Variants in NFYB observed in about 807,000 individuals in gnomAD.
NFYB encodes the protein nuclear transcription factor Y subunit beta.
A neutral mutation model predicts 28.0 loss-of-function variants in NFYB; 13 were observed. The ratio of observed to expected loss-of-function variants is 0.46; its 90% CI spans 0.30 to 0.74. NFYB has a LOEUF of 0.74. Ranked by LOEUF, NFYB falls within the 30% of genes least tolerant of loss-of-function variation. NFYB has a pLI of 0.07. For missense variants in NFYB, 142 were observed against 247.6 expected (o/e 0.57, Z 2.86); for synonymous variants, 74 against 75.0 (o/e 0.99, Z 0.07).
intron 2 of NFYB, among the ~76,000 whole-genome samples, chr12:104,129,048 G>A (rs1331594932): frequency 6.6e-6 from 1 of 152,188 alleles, no homozygotes; most frequent in Non-Finnish European, 1.5e-5. Context: ...AGTGATATAA[G>A]CATAAGGCCA....
chr12:104,125,262 G>C (rs920513416), intron 4 of NFYB: 1 of 156,816 alleles, frequency 6.4e-6, no homozygotes, highest in African/African-American at 2.4e-5. Flanking sequence ...CCCTGAACGC[G>C]CCCGATCTCG....
Position 104,121,335 on chromosome 12 carries a change from A to C in NFYB, c.430-14T>G. ...TCCTTTCATAGCCTGAGGAAGGAAAAAAAAAAAGTCACTGATATTCAAATG... is the reference window on the plus strand; with the variant it reads ...TCCTTTCATAGCCTGAGGAAGGAAACAAAAAAAGTCACTGATATTCAAATG... On this transcript the variant is annotated splice_polypyrimidine_tract_variant and intron_variant, in intron 5 of 7. Coordinates refer to ENST00000240055, the MANE Select transcript of NFYB (RefSeq NM_006166.4). 1 of 1,597,750 alleles carries C rather than the reference A, an allele frequency of 6.3e-7. No homozygotes were observed. Among genetic ancestry groups the C allele is most frequent in the Admixed American group, 1.8e-5 (1 of 56,544 alleles).
chr12:104,134,716 T>C (rs1045739104), intron 2 of NFYB, among the ~76,000 whole-genome samples: 4 of 152,192 alleles, frequency 2.6e-5, no homozygotes, highest in African/African-American at 9.7e-5. Flanking sequence ...CAAACTTGTT[T>C]CCTACTTTTC....
Position 104,121,282 on chromosome 12 carries a change from C to CTGT in NFYB, c.466_468dup (p.Thr156dup). 6.2e-7 allele frequency: 1 copy of CTGT among 1,612,690 alleles called. No homozygotes were observed. Among genetic ancestry groups the CTGT allele is most frequent in the African/African-American group, 1.3e-5 (1 of 74,978 alleles). ...AGCTCTTCACTTAGTCCATCTGTAGCTGTGACTGCTCCACCAATTCCCTTT... is the reference window on the plus strand; with the variant it reads ...AGCTCTTCACTTAGTCCATCTGTAGCTGTTGTGACTGCTCCACCAATTCCCTTT... On this transcript the variant is annotated inframe_insertion, in exon 6 of 8. Coordinates refer to ENST00000240055, the MANE Select transcript of NFYB (RefSeq NM_006166.4).
chr12:104,135,470 C>T lies in NFYB; in HGVS notation c.-17G>A. 3.8e-6 allele frequency: 6 copies of T among 1,583,022 alleles called. No homozygotes were observed. Among genetic ancestry groups the T allele is most frequent in the East Asian group, 4.7e-5 (2 of 42,470 alleles). ...TACTGTCATGAAATACTGTCAGAACCGTGTTGTCAGTGGTGCTGAAGAACA... is the reference window on the plus strand; with the variant it reads ...TACTGTCATGAAATACTGTCAGAACTGTGTTGTCAGTGGTGCTGAAGAACA... On this transcript the variant is annotated 5_prime_UTR_variant, in exon 2 of 8. Coordinates refer to ENST00000240055, the MANE Select transcript of NFYB (RefSeq NM_006166.4).
chr12:104,130,789 A>G (rs1044840759), intron 2 of NFYB, among the ~76,000 whole-genome samples: 2 of 152,196 alleles, frequency 1.3e-5, no homozygotes, highest in African/African-American at 4.8e-5. Context: ...TACAGCCATA[A>G]AAGAATGATC....
Position 104,126,146 on chromosome 12 carries a change from T to C in NFYB, c.199A>G (p.Ile67Val). The C allele has an allele frequency of 6.3e-7, 1 of 1,599,572 alleles. No individual in the cohort carries two copies. The highest frequency in any genetic ancestry group is 1.2e-5 in the South Asian group (1 of 86,718). Reference protein sequence around the residue: ...IYLPIANVARIMKNAIPQTGK... With the variant: ...IYLPIANVARVMKNAIPQTGK... The stretch of plus-strand genomic sequence containing the variant: ...GTTTGAGGTATGGCATTTTTCATTA[T>C]CCTAGCCACGTTTGCTATTGGAAGA... The change falls in exon 4 of 8, where the codon ATA becomes GTA. Residue 67 changes from isoleucine (I) to valine (V), a missense_variant. Physicochemically the swap from Ile to Val is conservative, Grantham distance 29. Around this residue, in one of 2 missense-constraint regions of NFYB, gnomAD observed 88 missense variants for 189.5 expected, o/e 0.46. Coordinates refer to ENST00000240055, the MANE Select transcript of NFYB (RefSeq NM_006166.4).
chr12:104,134,429 GCC>G (rs2031031899), intron 2 of NFYB, among the ~76,000 whole-genome samples: 1 of 152,088 alleles, frequency 6.6e-6, no homozygotes, highest in Non-Finnish European at 1.5e-5. Context: ...ACTCTGCCCA[GCC>G]AAATATACCA....
Position 104,135,434 on chromosome 12 carries a change from T to G in NFYB, c.6+14A>C. On this transcript the variant is annotated intron_variant, in intron 2 of 7. Transcript: ENST00000240055. ...CAAATCTAATTAACAACCAAAATGG[T>G]AAAATATACTTACTGTCATGAAATA... The G allele has an allele frequency of 1.3e-6, 2 of 1,585,654 alleles. No individual in the cohort carries two copies. The highest frequency in any genetic ancestry group is 1.7e-6 in the Non-Finnish European group (2 of 1,169,454).
rs1565822305 is a variant in NFYB, at chr12:104,120,494, A to AT, written c.512-16dup. On this transcript the variant is annotated splice_polypyrimidine_tract_variant and intron_variant, in intron 6 of 7. Coordinates refer to ENST00000240055, the MANE Select transcript of NFYB (RefSeq NM_006166.4). ...TAACTGGTTAGCTAAAAGAAAAAAA[A>AT]TTAGTTAAAGAGGGAAATGAACTAT... 1.9e-6 allele frequency: 3 copies of AT among 1,595,062 alleles called. No homozygotes were observed. In the Admixed American group the frequency reaches 5.0e-5, roughly 27 times the overall value.
intron 2 of NFYB, among the ~76,000 whole-genome samples, chr12:104,130,686 G>C (rs909466514): frequency 1.3e-5 from 2 of 152,110 alleles, no homozygotes; most frequent in Non-Finnish European, 2.9e-5. Flanking sequence ...ACAAATAAAT[G>C]TGAAACAGTG....
chr12:104,136,471 A>G (rs1172858483), intron 1 of NFYB, among the ~76,000 whole-genome samples: 1 of 152,246 alleles, frequency 6.6e-6, no homozygotes, highest in Admixed American at 6.5e-5. Flanking sequence ...GACGTTTGCT[A>G]TAATATTAAA....
Position 104,123,137 on chromosome 12 carries a change from C to G in NFYB, c.429+89G>C, listed in dbSNP as rs189039056. ...GTTGCAGTGAGCCGAGATCTTGCCACTGTACTCCAGCCTGGGCAACAGAGC... is the reference window on the plus strand; with the variant it reads ...GTTGCAGTGAGCCGAGATCTTGCCAGTGTACTCCAGCCTGGGCAACAGAGC... On this transcript the variant is annotated intron_variant, in intron 5 of 7. Transcript: ENST00000240055. 3 of 1,003,698 alleles carry G rather than the reference C, an allele frequency of 3.0e-6. No individual in the cohort carries two copies. In the Admixed American group the frequency reaches 8.0e-5, roughly 27 times the overall value. The allele number at this position is 1,003,698 out of a possible 1,614,324, so 62.2% of individuals were successfully genotyped here. A position where few individuals can be genotyped will look rare whatever the true frequency, so the allele number is the denominator to read the frequency against.
At chr12:104,132,869 C>T (rs2030973852) in intron 2 of NFYB, among the ~76,000 whole-genome samples, 1 of 152,136 alleles carries the variant, frequency 6.6e-6, no homozygotes, top group African/African-American at 2.4e-5. Context: ...TGGAAGAGCA[C>T]AGCATGTAGG....
intron 4 of NFYB, among the ~76,000 whole-genome samples, chr12:104,124,027 C>A (rs953190966): frequency 6.6e-6 from 1 of 152,126 alleles, no homozygotes; most frequent in South Asian, 2.1e-4. Context: ...TCCTACCACC[C>A]CACAGAGGAT....
chr12:104,137,146 C>CA (rs1226560595), intron 1 of NFYB, among the ~76,000 whole-genome samples: 74 of 152,260 alleles, frequency 4.9e-4, no homozygotes, highest in African/African-American at 1.6e-3. Flanking sequence ...ACGAACCACG[C>CA]AACTATGGGG....
chr12:104,130,026 A>G (rs1172360766), intron 2 of NFYB, among the ~76,000 whole-genome samples: 2 of 152,266 alleles, frequency 1.3e-5, no homozygotes, highest in African/African-American at 4.8e-5. Flanking sequence ...AAGTCTGGAA[A>G]AAAGTAAATC....
intron 2 of NFYB, 53 bp downstream of exon 2, chr12:104,135,395 A>G (rs944023292): frequency 3.2e-5 from 48 of 1,499,824 alleles, no homozygotes; most frequent in Admixed American, 1.1e-4. Context: ...TTTTATTTCC[A>G]GCCAATTACT....
intron 2 of NFYB, among the ~76,000 whole-genome samples, chr12:104,129,166 G>A (rs1000222079): frequency 6.6e-5 from 10 of 152,078 alleles, no homozygotes; most frequent in African/African-American, 2.4e-4. Flanking sequence ...ATTTATCCCT[G>A]GAATGATGAT....
Sources: allele counts gnomAD v4.1 joint callset (sites outside exome capture counted in the v4.1 genomes callset), GRCh38; gene constraint gnomAD v4.1.1; regional missense constraint gnomAD v4.1.1; transcripts MANE v1.5; gene names NCBI Gene and HGNC (gene_info 2026-07-23, HGNC 2026-07-21).